GMCL2: variants seen among roughly 807,000 people sequenced by gnomAD.
GMCL2 encodes the protein germ cell-less 2, spermatogenesis associated.
In GMCL2, 33 loss-of-function variants were observed where a neutral mutation model predicts 36.2. The observed-to-expected ratio is 0.91, with a 90% confidence interval of 0.69 to 1.22. The LOEUF (loss-of-function observed/expected upper bound fraction) is 1.22. Ranked by LOEUF, GMCL2 falls within the 50% of genes most tolerant of loss-of-function variation. The pLI, the probability that GMCL2 is intolerant of heterozygous loss-of-function variation, is 0.00. For missense variants in GMCL2, 478 were observed against 514.5 expected (o/e 0.93, Z 0.69); for synonymous variants, 172 against 184.3 (o/e 0.93, Z 0.54).
Position 178,187,203 on chromosome 5 carries a change from C to G in GMCL2, c.97G>C (p.Asp33His). 1.7e-6 allele frequency: 2 copies of G among 1,201,414 alleles called. No homozygotes were observed. Among genetic ancestry groups the G allele is most frequent in the Non-Finnish European group, 2.4e-6 (2 of 829,454 alleles). 74.4% of individuals were successfully genotyped at this position (1,201,414 alleles called of 1,614,324 possible). ...ARARGSARRP[D>H]TGDDAASYGF... ...TAGCTCGCCGCATCGTCTCCAGTGT[C>G]CGGCCTCCGGGCCGAGCCCCTGGCC... The change falls in exon 1 of 1, where the codon GAC becomes CAC. Residue 33 changes from aspartate to histidine, a missense_variant. Physicochemically the swap from Asp to His is moderately conservative, Grantham distance 81 (BLOSUM62 -1). This residue lies in a region of GMCL2 where 127 missense variants were observed against 86.4 expected (regional missense o/e 1.47). Transcript: ENST00000463439.
In GMCL2 at chr5:178,185,982, G is replaced by A. The variant is rs13169133; in HGVS notation, c.1318C>T (p.Arg440Cys). ...IFKRNTLNQP[R>C]SGSVSLRPRR... ...GGCCGTAAACTGACAGACCCGCTGC[G>A]TGGCTGATTCAGTGTATTGCGTTTG... The change falls in exon 1 of 1, where the codon CGC (arginine) becomes TGC (cysteine). Residue 440 changes from arginine (R) to cysteine (C), a missense_variant. Transcript: ENST00000463439. 0.64 allele frequency: 488,833 copies of A among 766,126 alleles called. 163,206 individuals carry two copies. The highest frequency in any genetic ancestry group is 0.71 in the Non-Finnish European group (291,106 of 410,292). The allele number at this position is 766,126 out of a possible 1,614,324, so 47.5% of individuals were successfully genotyped here.
Position 178,187,061 on chromosome 5 carries a change from G to A in GMCL2, c.239C>T (p.Pro80Leu), listed in dbSNP as rs1188506997. ...TTTCCTTGCAGGGGTGTTGAGGAGC[G>A]GCTGCTGCTTGTCCCCCTCCTCCTC... Reference protein sequence around the residue: ...EHEEEGDKQQPLLNTPARKKL... With the variant: ...EHEEEGDKQQLLLNTPARKKL... The change falls in exon 1 of 1, where the codon CCG (proline) becomes CTG (leucine). Residue 80 changes from proline to leucine, a missense_variant. Physicochemically the swap from Pro to Leu is moderately conservative, Grantham distance 98. This residue lies in a region of GMCL2 where 36 missense variants were observed against 78.1 expected (regional missense o/e 0.46). Transcript: ENST00000463439. The A allele has an allele frequency of 8.2e-6, 9 of 1,094,216 alleles. No individual in the cohort carries two copies. Among genetic ancestry groups the A allele is most frequent in the East Asian group, 5.1e-5 (2 of 39,000 alleles). 67.8% of individuals were successfully genotyped at this position (1,094,216 alleles called of 1,614,324 possible).
In GMCL2 at chr5:178,187,295, C is replaced by T. The variant is rs1222269694; in HGVS notation, c.5G>A (p.Gly2Glu). M[G>E]SSSSRVLGQP... The stretch of plus-strand genomic sequence containing the variant: ...GCCCAGCACCCGGCTGCTCGACGAT[C>T]CCATGGGTCACGGCTCCCCAGGACT... The change falls in exon 1 of 1, where the codon GGA (glycine) becomes GAA (glutamate). Residue 2 changes from glycine (G) to glutamate (E), a missense_variant. By Grantham distance (98) the Gly-to-Glu change is moderately conservative. Transcript: ENST00000463439. 1.1e-6 allele frequency: 1 copy of T among 881,162 alleles called. No individual in the cohort carries two copies. The highest frequency in any genetic ancestry group is 1.5e-5 in the South Asian group (1 of 66,026). The allele number at this position is 881,162 out of a possible 1,614,324, so 54.6% of individuals were successfully genotyped here. A position where few individuals can be genotyped will look rare whatever the true frequency, so the allele number is the denominator to read the frequency against.
the GMCL2 span, chr5:178,186,881 C>T: frequency 1.2e-6 from 2 of 1,610,112 alleles, no homozygotes; most frequent in Non-Finnish European, 1.7e-6. Context: ...GGATTCTTTC[C>T]AAGAACCACT....
chr5:178,187,198 AGTGTCCGGCCT>A, the GMCL2 span: 1 of 1,206,628 alleles, frequency 8.3e-7, no homozygotes, highest in East Asian at 2.5e-5. Flanking sequence ...CATCGTCTCC[AGTGTCCGGCCT>A]CCGGGCCGAG....
chr5:178,184,724 CA>C lies in GMCL2; in HGVS notation c.*994del, dbSNP rs754556346. On this transcript the variant is annotated 3_prime_UTR_variant, in exon 1 of 1. Coordinates refer to ENST00000463439, the MANE Select transcript of GMCL2 (RefSeq NM_001358008.2). ...TTGACAAAAATAAGTTCCATTTTTA[CA>C]TTAATGCGTCATCAGCTTCTATGTT... Among the ~76,000 whole-genome samples the C allele has an allele frequency of 1.3e-5, 2 of 152,128 alleles. No individual in the cohort carries two copies. Among genetic ancestry groups the C allele is most frequent in the Admixed American group, 6.6e-5 (1 of 15,266 alleles).
Position 178,186,662 on chromosome 5 carries a change from A to G in GMCL2, c.638T>C (p.Val213Ala). The change falls in exon 1 of 1, where the codon GTA (valine) becomes GCA (alanine). Residue 213 changes from valine to alanine, a missense_variant. By Grantham distance (64) the Val-to-Ala change is moderately conservative. Transcript: ENST00000463439. ...TMKETINVKT[V>A]CGYYTSVEIY... ...CTCTACTGATGTGTAATAACCGCAT[A>G]CAGTTTTCACATTAATTGTTTCCTT... 1 of 1,181,982 alleles carries G rather than the reference A, an allele frequency of 8.5e-7. No homozygotes were observed. The highest frequency in any genetic ancestry group is 1.3e-6 in the Non-Finnish European group (1 of 785,370). The allele number at this position is 1,181,982 out of a possible 1,614,324, so 73.2% of individuals were successfully genotyped here.
chr5:178,186,136 T>C lies in GMCL2; in HGVS notation c.1164A>G (p.Glu388=). The change falls in exon 1 of 1, where the codon GAA becomes GAG. Residue 388 remains glutamate (E), a synonymous_variant. Transcript: ENST00000463439. ...ACCTCATGCTATTTCCCTCTAGGTC[T>C]TCTTTATTGATTTCTTGAGGCCCTA... is the stretch of plus-strand genomic sequence containing the variant. The part of the protein sequence containing the change: ...REVGPQEINK[E]DLEGNSMRCG... 1 of 819,330 alleles carries C rather than the reference T, an allele frequency of 1.2e-6. No homozygotes were observed. The highest frequency in any genetic ancestry group is 2.2e-6 in the Non-Finnish European group (1 of 454,538). The allele number at this position is 819,330 out of a possible 1,614,324, so 50.8% of individuals were successfully genotyped here.
Position 178,186,188 on chromosome 5 carries a change from A to C in GMCL2, c.1112T>G (p.Met371Arg). 1 of 835,148 alleles carries C rather than the reference A, an allele frequency of 1.2e-6. No homozygotes were observed. Among genetic ancestry groups the C allele is most frequent in the Non-Finnish European group, 2.1e-6 (1 of 468,214 alleles). The allele number at this position is 835,148 out of a possible 1,614,324, so 51.7% of individuals were successfully genotyped here. ...CTCACGGTCTTGTTCTGCCCGCAGC[A>C]TAGCAAACCACTGCTGTTTATACAC... ...SSVYKQQWFA[M>R]LRAEQDREVG... Residue 371 changes from methionine to arginine, a missense_variant, in exon 1 of 1, where the codon ATG becomes AGG. Physicochemically the swap from Met to Arg is moderately conservative, Grantham distance 91. Around this residue, in one of 5 missense-constraint regions of GMCL2, gnomAD observed 135 missense variants for 119.0 expected, o/e 1.13. Coordinates refer to ENST00000463439, the MANE Select transcript of GMCL2 (RefSeq NM_001358008.2).
rs7715796 is a variant in GMCL2, at chr5:178,185,743, A to G, written c.1557T>C (p.Arg519=). The G allele has an allele frequency of 0.84, 702,675 of 831,690 alleles. 300,205 individuals carry two copies. The highest frequency in any genetic ancestry group is 0.96 in the East Asian group (38,721 of 40,344). 51.5% of individuals were successfully genotyped at this position (831,690 alleles called of 1,614,324 possible). A position where few individuals can be genotyped will look rare whatever the true frequency, so the allele number is the denominator to read the frequency against. The change falls in exon 1 of 1, where the codon CGT becomes CGC. Residue 519 remains arginine (R), a synonymous_variant. Transcript: ENST00000463439. ...TTCAGTTTTCTGGATTTTCTGGGTG[A>G]CGATTATTTTCAATTCCTTTTTCTG... The part of the protein sequence containing the change: ...ISPEKGIENN[R]HPENPEN
rs7379857 is a variant in GMCL2 at position 178,184,816 on chromosome 5, T to A, written c.*903A>T. On this transcript the variant is annotated 3_prime_UTR_variant, in exon 1 of 1. Transcript: ENST00000463439. ...TTAGCATGTCACTCAAAGCCACTCA[T>A]CTCAGAGGGTATCAAGTCCTGAGCT... is the stretch of plus-strand genomic sequence containing the variant. Among the ~76,000 whole-genome samples, 119,578 of 152,104 alleles carry A rather than the reference T, an allele frequency of 0.79. 48,477 individuals carry two copies. Among genetic ancestry groups the A allele is most frequent in the East Asian group, 0.98 (5,098 of 5,192 alleles).
At position 178,187,061 on chromosome 5, in the gene GMCL2, G is replaced by C; in HGVS notation, c.239C>G (p.Pro80Arg). 9.1e-7 allele frequency: 1 copy of C among 1,094,334 alleles called. No individual in the cohort carries two copies. The highest frequency in any genetic ancestry group is 1.3e-5 in the South Asian group (1 of 75,606). The allele number at this position is 1,094,334 out of a possible 1,614,324, so 67.8% of individuals were successfully genotyped here. A position where few individuals can be genotyped will look rare whatever the true frequency, so the allele number is the denominator to read the frequency against. Residue 80 changes from proline to arginine, a missense_variant, in exon 1 of 1, where the codon CCG becomes CGG. Physicochemically the swap from Pro to Arg is moderately radical, Grantham distance 103 (BLOSUM62 -2). Transcript: ENST00000463439. ...TTTCCTTGCAGGGGTGTTGAGGAGC[G>C]GCTGCTGCTTGTCCCCCTCCTCCTC... is the stretch of plus-strand genomic sequence containing the variant. The part of the protein sequence containing the change: ...EHEEEGDKQQ[P>R]LLNTPARKKL...
At chr5:178,186,021 C>A in the GMCL2 span, 10 of 768,730 alleles carry the variant, frequency 1.3e-5, no homozygotes, top group Non-Finnish European at 2.2e-5. Flanking sequence ...ATGATGTATC[C>A]ATTGGTGTAA....
chr5:178,186,920 C>T lies in GMCL2; in HGVS notation c.380G>A (p.Cys127Tyr), dbSNP rs778535901. The change falls in exon 1 of 1, where the codon TGT (cysteine) becomes TAT (tyrosine). Residue 127 changes from cysteine to tyrosine, a missense_variant. Coordinates refer to ENST00000463439, the MANE Select transcript of GMCL2 (RefSeq NM_001358008.2). ...EEWRLHKIYL[C>Y]QSGYFSSMFS... is the part of the protein sequence containing the mutation. The stretch of plus-strand genomic sequence containing the variant: ...CATACTAGAAAAGTAGCCAGATTGA[C>T]ATAAATATATTTTGTGTAATCGCCA... 4.4e-6 allele frequency: 7 copies of T among 1,583,888 alleles called. No homozygotes were observed. The highest frequency in any genetic ancestry group is 6.1e-6 in the Non-Finnish European group (7 of 1,152,328).
chr5:178,187,239 G>T lies in GMCL2; in HGVS notation c.61C>A (p.Gln21Lys). 1.9e-6 allele frequency: 2 copies of T among 1,056,206 alleles called. No homozygotes were observed. Among genetic ancestry groups the T allele is most frequent in the Non-Finnish European group, 2.9e-6 (2 of 700,610 alleles). 65.4% of individuals were successfully genotyped at this position (1,056,206 alleles called of 1,614,324 possible). A position where few individuals can be genotyped will look rare whatever the true frequency, so the allele number is the denominator to read the frequency against. ...QPRRALAQQE[Q>K]GARARGSARR... Reference sequence around the variant, plus strand: ...GCCGAGCCCCTGGCCCTGGCACCCTGTTCCTGCTGGGCAAGGGCTCGCCTC... The same window carrying T: ...GCCGAGCCCCTGGCCCTGGCACCCTTTTCCTGCTGGGCAAGGGCTCGCCTC... Residue 21 changes from glutamine (Q) to lysine (K), a missense_variant, in exon 1 of 1, where the codon CAG becomes AAG. By Grantham distance (53) the Gln-to-Lys change is moderately conservative. Around this residue, in one of 5 missense-constraint regions of GMCL2, gnomAD observed 127 missense variants for 86.4 expected, o/e 1.47. Coordinates refer to ENST00000463439, the MANE Select transcript of GMCL2 (RefSeq NM_001358008.2).
Position 178,185,132 on chromosome 5 carries a change from T to A in GMCL2, c.*587A>T, listed in dbSNP as rs915876882. 1.3e-5 allele frequency among the ~76,000 whole-genome samples: 2 copies of A among 152,240 alleles called. No homozygotes were observed. The highest frequency in any genetic ancestry group is 4.8e-5 in the African/African-American group (2 of 41,546). The stretch of plus-strand genomic sequence containing the variant: ...AATAGCATATGACAATGCTTAAGTT[T>A]AAAAAAAGTTTCTCAGCTTAGTCTC... On this transcript the variant is annotated 3_prime_UTR_variant, in exon 1 of 1. Transcript: ENST00000463439.
At position 178,186,612 on chromosome 5, in the gene GMCL2, T is replaced by C. The variant is rs17852197; in HGVS notation, c.688A>G (p.Lys230Glu). The change falls in exon 1 of 1, where the codon AAA (lysine) becomes GAA (glutamate). Residue 230 changes from lysine to glutamate, a missense_variant. Lys to Glu is a moderately conservative substitution (Grantham distance 56, BLOSUM62 1). Around this residue, in one of 5 missense-constraint regions of GMCL2, gnomAD observed 175 missense variants for 208.0 expected, o/e 0.84. Coordinates refer to ENST00000463439, the MANE Select transcript of GMCL2 (RefSeq NM_001358008.2). Reference protein sequence around the residue: ...VEIYGLDSVKKKCLEWLLNNL... With the variant: ...VEIYGLDSVKEKCLEWLLNNL... The stretch of plus-strand genomic sequence containing the variant: ...TTTAGAAGCCATTCAAGGCACTTTT[T>C]CTTTACAGAATCTAATCCATAGATC... 8.4e-7 allele frequency: 1 copy of C among 1,192,624 alleles called. No individual in the cohort carries two copies. Among genetic ancestry groups the C allele is most frequent in the East Asian group, 2.3e-5 (1 of 42,988 alleles). The allele number at this position is 1,192,624 out of a possible 1,614,324, so 73.9% of individuals were successfully genotyped here.
chr5:178,186,080 T>C lies in GMCL2; in HGVS notation c.1220A>G (p.Tyr407Cys). Residue 407 changes from tyrosine to cysteine, a missense_variant, in exon 1 of 1, where the codon TAC (tyrosine) becomes TGC (cysteine). Coordinates refer to ENST00000463439, the MANE Select transcript of GMCL2 (RefSeq NM_001358008.2). ...CGRKLAKDGE[Y>C]YWCWTGFNFG... ...GTTAAAACCCGTCCAACACCAGTAG[T>C]ATTCACCATCTTTGGCAAGCTTTCT... The C allele has an allele frequency of 1.3e-6, 1 of 783,978 alleles. No individual in the cohort carries two copies. The highest frequency in any genetic ancestry group is 2.4e-6 in the Non-Finnish European group (1 of 423,834). The allele number at this position is 783,978 out of a possible 1,614,324, so 48.6% of individuals were successfully genotyped here. A position where few individuals can be genotyped will look rare whatever the true frequency, so the allele number is the denominator to read the frequency against.
the GMCL2 span, chr5:178,186,251 T>TA: frequency 1.1e-6 from 1 of 938,660 alleles, no homozygotes; most frequent in Admixed American, 1.7e-5. Flanking sequence ...ACCATCTTGT[T>TA]CAATAATTCT....
Sources: gnomAD v4.1 joint callset for allele counts (sites outside exome capture counted in the v4.1 genomes callset) on GRCh38, gnomAD v4.1.1 for gene constraint, gnomAD v4.1.1 regional missense constraint, MANE v1.5 for transcripts, NCBI Gene and HGNC (gene_info 2026-07-23, HGNC 2026-07-21) for gene names.